RASAL1: variants seen among roughly 807,000 people sequenced by gnomAD.
RASAL1 encodes the protein rasGAP-activating-like protein 1.
A neutral mutation model predicts 96.6 loss-of-function variants in RASAL1; 72 were observed. That is an observed-to-expected ratio of 0.75 (90% CI 0.62 to 0.91). The LOEUF is 0.91. Ranked by LOEUF, RASAL1 falls within the 40% of genes least tolerant of loss-of-function variation. RASAL1 has a pLI of 0.00. For missense variants in RASAL1, 1,016 were observed against 1,072.5 expected (o/e 0.95, Z 0.74); for synonymous variants, 405 against 430.4 (o/e 0.94, Z 0.73).
rs1257000702 is a variant in RASAL1 at position 113,104,305 on chromosome 12, A to G, written c.1831-7T>C. The G allele has an allele frequency of 6.4e-7, 1 of 1,555,990 alleles. No individual in the cohort carries two copies. Among genetic ancestry groups the G allele is most frequent in the African/African-American group, 1.4e-5 (1 of 73,606 alleles). On this transcript the variant is annotated splice_polypyrimidine_tract_variant and splice_region_variant and intron_variant, in intron 16 of 20. Transcript: ENST00000548055. ...CGGGGATGGAGTGACACATCTGGGG[A>G]AGAGGATTGTCGCTGCAGGATGGGC...
rs1352628246 is a variant in RASAL1, at chr12:113,114,886, C to A, written c.1095G>T (p.Glu365Asp). ...MKLVGMPYLH[E>D]VLKPVISRVF... ...CACGGCTAATCACAGGCTTCAGGAC[C>A]TCGTGCAGGTAGGGCATGCCCACGA... The change falls in exon 12 of 21, where the codon GAG becomes GAT. Residue 365 changes from glutamate to aspartate, a missense_variant. Transcript: ENST00000548055. 5 of 1,614,096 alleles carry A rather than the reference C, an allele frequency of 3.1e-6. No individual in the cohort carries two copies. Among genetic ancestry groups the A allele is most frequent in the Non-Finnish European group, 4.2e-6 (5 of 1,179,986 alleles).
intron 18 of RASAL1, chr12:113,102,797 A>G (rs1950498240): frequency 6.5e-6 from 1 of 153,574 alleles, no homozygotes. Flanking sequence ...TCTGCTCCCC[A>G]GACTCTAGCA....
chr12:113,130,779 C>G lies in RASAL1; in HGVS notation c.122+106G>C, dbSNP rs1181367676. The G allele has an allele frequency of 1.1e-6, 1 of 923,096 alleles. No individual in the cohort carries two copies. Among genetic ancestry groups the G allele is most frequent in the Non-Finnish European group, 1.6e-6 (1 of 611,378 alleles). The allele number at this position is 923,096 out of a possible 1,614,324, so 57.2% of individuals were successfully genotyped here. On this transcript the variant is annotated intron_variant, in intron 2 of 20. Coordinates refer to ENST00000548055, the MANE Select transcript of RASAL1 (RefSeq NM_001301202.2). This position sits in a 1 kb window ranked among gnomAD's most constrained non-coding sequence, Gnocchi z 5.1. The stretch of plus-strand genomic sequence containing the variant: ...CACCCACCTGCAGGCCCGCGAGTCC[C>G]CCTCAGGGTAAGCACTCCTTTAAAT...
rs71465881 is a variant in RASAL1 at position 113,129,721 on chromosome 12, C to T, written c.122+1164G>A. On this transcript the variant is annotated intron_variant, in intron 2 of 20. Coordinates refer to ENST00000548055, the MANE Select transcript of RASAL1 (RefSeq NM_001301202.2). The surrounding 1 kb of genome is among the most constrained non-coding windows in gnomAD (Gnocchi z 5.0). ...AAGAGTGCACATATGCGCGCGTGCGCGCACACACACACACACACCCCGCCT... is the reference window on the plus strand; with the variant it reads ...AAGAGTGCACATATGCGCGCGTGCGTGCACACACACACACACACCCCGCCT... Among the ~76,000 whole-genome samples the T allele has an allele frequency of 0.058, 8,794 of 151,982 alleles. 357 individuals are homozygous for T. The highest frequency in any genetic ancestry group is 0.12 in the African/African-American group (5,118 of 41,276).
At position 113,099,936 on chromosome 12, in the gene RASAL1, C is replaced by A; in HGVS notation, c.2411G>T (p.Gly804Val). 1.2e-6 allele frequency: 2 copies of A among 1,611,314 alleles called. No homozygotes were observed. The highest frequency in any genetic ancestry group is 1.7e-6 in the Non-Finnish European group (2 of 1,178,650). Residue 804 changes from glycine to valine, a missense_variant, in exon 21 of 21, where the codon GGC becomes GTC. Transcript: ENST00000548055. ...ERGKAALGPL[G>V]P is the part of the protein sequence containing the mutation. ...GCTAGCTCTGGCATTTCCTTAGGGG[C>A]CAAGGGGGCCCAGGGCCGCCTTCCC...
chr12:113,127,544 A>T (rs1483959708), intron 4 of RASAL1, among the ~76,000 whole-genome samples: 1 of 152,064 alleles, frequency 6.6e-6, no homozygotes, highest in Non-Finnish European at 1.5e-5. Context: ...CAGCTACTCC[A>T]GAAGCTGAGA....
chr12:113,103,371 CGAG>C (rs1043066351), intron 18 of RASAL1, among the ~76,000 whole-genome samples: 48 of 152,018 alleles, frequency 3.2e-4, no homozygotes, highest in African/African-American at 1.2e-3. Flanking sequence ...TTTGGGAGGC[CGAG>C]GAGGGCTTAT....
At chr12:113,103,637 C>T (rs1950540373) in intron 18 of RASAL1, 1 of 456,878 alleles carries the variant, frequency 2.2e-6, no homozygotes, top group Non-Finnish European at 3.9e-6. Flanking sequence ...GTTATGCACT[C>T]ATCTTTCTTG....
Position 113,112,350 on chromosome 12 carries a change from G to T in RASAL1, c.1182-72C>A, listed in dbSNP as rs928898959. 18 of 1,169,934 alleles carry T rather than the reference G, an allele frequency of 1.5e-5. No individual in the cohort carries two copies. The African/African-American group carries it at 2.7e-4, about 18-fold the overall frequency. The allele number at this position is 1,169,934 out of a possible 1,614,324, so 72.5% of individuals were successfully genotyped here. The stretch of plus-strand genomic sequence containing the variant: ...CTGCTCCAAACCCTCCACCGGCCCC[G>T]CTGAGCTCCGAGAGGACTCATCTTC... On this transcript the variant is annotated intron_variant, in intron 12 of 20. Transcript: ENST00000548055.
intron 12 of RASAL1, 98 bp downstream of exon 12, chr12:113,114,702 C>A: frequency 1.0e-6 from 1 of 987,454 alleles, no homozygotes; most frequent in Non-Finnish European, 1.6e-6. Flanking sequence ...GCTGTAGCCC[C>A]AGGGTGGGTG....
intron 13 of RASAL1, among the ~76,000 whole-genome samples, chr12:113,110,624 A>G (rs1273133257): frequency 6.6e-6 from 1 of 152,198 alleles, no homozygotes; most frequent in African/African-American, 2.4e-5. Context: ...TGACATTTTA[A>G]AAATAAGAGA....
At position 113,101,877 on chromosome 12, in the gene RASAL1, G is replaced by A. The variant is rs1205702009; in HGVS notation, c.2225+12C>T. Reference sequence around the variant, plus strand: ...TCATAGGAGGTGAAGTGGGATGGGTGGGGGCACCCACCTGAGCTGGTCCCG... The same window carrying A: ...TCATAGGAGGTGAAGTGGGATGGGTAGGGGCACCCACCTGAGCTGGTCCCG... On this transcript the variant is annotated intron_variant, in intron 19 of 20. Coordinates refer to ENST00000548055, the MANE Select transcript of RASAL1 (RefSeq NM_001301202.2). The A allele has an allele frequency of 2.5e-6, 4 of 1,611,308 alleles. No individual in the cohort carries two copies. In the African/African-American group the frequency reaches 4.0e-5, roughly 16 times the overall value.
chr12:113,121,100 C>G (rs1472036673), intron 5 of RASAL1, among the ~76,000 whole-genome samples: 2 of 152,224 alleles, frequency 1.3e-5, no homozygotes, highest in Non-Finnish European at 2.9e-5. Context: ...CAGAGACCAG[C>G]AGAGCTAAAA....
In RASAL1 at chr12:113,103,994, C is replaced by T. The variant is rs1691943238; in HGVS notation, c.2056G>A (p.Ala686Thr). The T allele has an allele frequency of 1.3e-6, 2 of 1,570,986 alleles. No homozygotes were observed. The highest frequency in any genetic ancestry group is 2.7e-5 in the African/African-American group (2 of 74,156). The change falls in exon 18 of 21, where the codon GCC becomes ACC. Residue 686 changes from alanine to threonine, a missense_variant. Physicochemically the swap from Ala to Thr is moderately conservative, Grantham distance 58. Transcript: ENST00000548055. ...PNKLAACHPGAFRSARWTCCL... is the reference protein window; with the variant it reads ...PNKLAACHPGTFRSARWTCCL... The stretch of plus-strand genomic sequence containing the variant: ...CAGGTCCAGCGCGCGCTGCGGAAGG[C>T]ACCGGGGTGGCAGGCGGCCAGCTTG...
At chr12:113,119,339 T>A (rs1164500263) in intron 6 of RASAL1, 23 bp downstream of exon 6, 17 of 1,613,208 alleles carry the variant, frequency 1.1e-5, no homozygotes, top group African/African-American at 2.7e-5. Flanking sequence ...CACTCCTTCC[T>A]GGCTTCATTC....
intron 13 of RASAL1, among the ~76,000 whole-genome samples, chr12:113,108,919 C>T (rs1950752128): frequency 6.6e-6 from 1 of 151,336 alleles, no homozygotes; most frequent in East Asian, 1.9e-4. Context: ...ACTGCAACCT[C>T]CACCTCCCAG....
At chr12:113,110,328 T>C (rs1013343785) in intron 13 of RASAL1, among the ~76,000 whole-genome samples, 1 of 152,180 alleles carries the variant, frequency 6.6e-6, no homozygotes, top group Non-Finnish European at 1.5e-5. Context: ...AGATGTGGCA[T>C]AAATCAAAAG....
In RASAL1 at chr12:113,115,035, ACACATC is replaced by A; in HGVS notation, c.1069-129_1069-124del. The A allele has an allele frequency of 9.4e-7, 1 of 1,069,270 alleles. No individual in the cohort carries two copies. Among genetic ancestry groups the A allele is most frequent in the East Asian group, 2.4e-5 (1 of 42,386 alleles). The allele number at this position is 1,069,270 out of a possible 1,614,324, so 66.2% of individuals were successfully genotyped here. On this transcript the variant is annotated intron_variant, in intron 11 of 20. Coordinates refer to ENST00000548055, the MANE Select transcript of RASAL1 (RefSeq NM_001301202.2). This position sits in a 1 kb window ranked among gnomAD's most constrained non-coding sequence, Gnocchi z 4.1. ...AGAGAGGCCAGGGCTGGGGTAGGGG[ACACATC>A]CAGGTGCAACTCAGGGCAAGGCCGG... is the stretch of plus-strand genomic sequence containing the variant.
At chr12:113,118,964 C>A (rs983779783) in intron 7 of RASAL1, among the ~76,000 whole-genome samples, 164 bp downstream of exon 7, 7 of 152,184 alleles carry the variant, frequency 4.6e-5, no homozygotes, top group Non-Finnish European at 7.3e-5. Flanking sequence ...CTCACCTGTA[C>A]AACAGAGCAA....
Sources: allele counts gnomAD v4.1 joint callset (sites outside exome capture counted in the v4.1 genomes callset), GRCh38; gene constraint gnomAD v4.1.1; non-coding constraint Gnocchi (gnomAD v3.1); transcripts MANE v1.5; gene names NCBI Gene and HGNC (gene_info 2026-07-23, HGNC 2026-07-21).